Variants in SPON1 observed in about 807,000 individuals in gnomAD.
SPON1 encodes the protein spondin 1, also known as spondin-1.
In SPON1, 52 loss-of-function variants were observed where a neutral mutation model predicts 111.7. That is an observed-to-expected ratio of 0.47 (90% CI 0.37 to 0.59). The LOEUF is 0.59. Among genes scored for constraint, SPON1 ranks in the 20% least tolerant of loss-of-function variants. The pLI, the probability that SPON1 is intolerant of heterozygous loss-of-function variation, is 0.00. For missense variants in SPON1, 957 were observed against 1,068.5 expected, an observed-to-expected ratio of 0.90 and a Z score of 1.46; for synonymous variants, 410 against 395.8, an observed-to-expected ratio of 1.04 and a Z score of -0.43.
intron 6 of SPON1, among the ~76,000 whole-genome samples, chr11:14,150,270 G>T (rs542181796): frequency 3.9e-5 from 6 of 152,158 alleles, no homozygotes; most frequent in African/African-American, 1.2e-4. Flanking sequence ...AGCTGAAAAA[G>T]TTGATCTCAT....
At chr11:14,000,922 A>T (rs1461012259) in intron 2 of SPON1, among the ~76,000 whole-genome samples, 1 of 152,228 alleles carries the variant, frequency 6.6e-6, no homozygotes, top group African/African-American at 2.4e-5. Flanking sequence ...CTTGCCTGTC[A>T]AAATTGGAGT....
chr11:14,060,326 C>T (rs1554919718), intron 3 of SPON1, among the ~76,000 whole-genome samples: 1 of 152,184 alleles, frequency 6.6e-6, no homozygotes, highest in African/African-American at 2.4e-5. Context: ...TACATACTAT[C>T]TAATACCCAG....
intron 5 of SPON1, among the ~76,000 whole-genome samples, chr11:14,089,384 A>G (rs1849031970): frequency 6.6e-6 from 1 of 152,110 alleles, no homozygotes; most frequent in African/African-American, 2.4e-5. Flanking sequence ...TCTAACAGTC[A>G]GGCTCCTCTT....
In SPON1 at chr11:14,041,566, G is replaced by T. The variant is rs564301907; in HGVS notation, c.391G>T (p.Ala131Ser). 6.2e-6 allele frequency: 10 copies of T among 1,613,818 alleles called. No homozygotes were observed. Reference sequence around the variant, plus strand: ...TCAGTTTATGAGCAATTGCCCTGTTGCAGTCACTGAAAGCACTCCACGGAG... The same window carrying T: ...TCAGTTTATGAGCAATTGCCCTGTTTCAGTCACTGAAAGCACTCCACGGAG... The part of the protein sequence containing the change: ...ETQFMSNCPV[A>S]VTESTPRRRT... Residue 131 changes from alanine (A) to serine (S), a missense_variant, in exon 3 of 16, where the codon GCA (alanine) becomes TCA (serine). Around this residue, in one of 5 missense-constraint regions of SPON1, gnomAD observed 262 missense variants for 253.9 expected, o/e 1.03. Transcript: ENST00000576479.
At position 14,063,879 on chromosome 11, in the gene SPON1, C is replaced by A. The variant is rs141731434; in HGVS notation, c.480-11466C>A. On this transcript the variant is annotated intron_variant, in intron 3 of 15. Transcript: ENST00000576479. ...CATCAGCCAAACTGCCTAGCTTGGT[C>A]AAAACACAGAAGGCATAAACAGCCT... is the stretch of plus-strand genomic sequence containing the variant. 3.4e-3 allele frequency among the ~76,000 whole-genome samples: 525 copies of A among 152,298 alleles called. 2 individuals carry two copies. The highest frequency in any genetic ancestry group is 0.012 in the African/African-American group (496 of 41,578).
intron 6 of SPON1, among the ~76,000 whole-genome samples, chr11:14,140,722 T>C (rs1554928676): frequency 6.6e-6 from 1 of 152,152 alleles, no homozygotes; most frequent in Admixed American, 6.5e-5. Flanking sequence ...TTTTCTTTTT[T>C]TTCCTGTTGG....
intron 5 of SPON1, among the ~76,000 whole-genome samples, chr11:14,124,474 T>A (rs1485178285): frequency 6.6e-6 from 1 of 152,314 alleles, no homozygotes; most frequent in South Asian, 2.1e-4. Context: ...CACGCTTTAT[T>A]GTAATTGCCT....
At chr11:14,028,496 A>T (rs1289516408) in intron 2 of SPON1, among the ~76,000 whole-genome samples, 4 of 152,130 alleles carry the variant, frequency 2.6e-5, no homozygotes, top group African/African-American at 9.7e-5. Context: ...ATAAAATTTT[A>T]AAAAAGAATA....
intron 2 of SPON1, among the ~76,000 whole-genome samples, chr11:13,989,284 T>C (rs561245951): frequency 2.6e-5 from 4 of 152,332 alleles, no homozygotes; most frequent in Admixed American, 2.6e-4. Context: ...TGGGAGGGTT[T>C]ATGTGTCCAG....
intron 2 of SPON1, among the ~76,000 whole-genome samples, chr11:14,039,406 TAGTG>T (rs1848616958): frequency 6.6e-6 from 1 of 152,074 alleles, no homozygotes; most frequent in Non-Finnish European, 1.5e-5. Context: ...AGGATGTTGA[TAGTG>T]AGGGAGACTG....
chr11:14,242,598 C>T (rs1848940929), intron 6 of SPON1, among the ~76,000 whole-genome samples: 1 of 152,208 alleles, frequency 6.6e-6, no homozygotes, highest in South Asian at 2.1e-4. Context: ...AATAAAAACC[C>T]AACCAAACCT....
chr11:13,997,108 C>T (rs1228664032), intron 2 of SPON1, among the ~76,000 whole-genome samples: 2 of 152,170 alleles, frequency 1.3e-5, no homozygotes, highest in African/African-American at 4.8e-5. Context: ...TCTCTCTGTA[C>T]ATACTCACAT....
At chr11:14,186,604 G>C (rs1848288475) in intron 6 of SPON1, among the ~76,000 whole-genome samples, 1 of 152,178 alleles carries the variant, frequency 6.6e-6, no homozygotes, top group Admixed American at 6.5e-5. Context: ...TCCAATCCTG[G>C]CTGTCCCATT....
At chr11:14,064,687 G>T (rs571891017) in intron 3 of SPON1, among the ~76,000 whole-genome samples, 2 of 152,278 alleles carry the variant, frequency 1.3e-5, no homozygotes, top group East Asian at 3.9e-4. Flanking sequence ...TTAGGATGTG[G>T]TGCCATCGTT....
chr11:13,982,827 G>A lies in SPON1; in HGVS notation c.239-20G>A. 6.7e-7 allele frequency: 1 copy of A among 1,499,614 alleles called. No homozygotes were observed. The highest frequency in any genetic ancestry group is 9.1e-7 in the Non-Finnish European group (1 of 1,099,324). 92.9% of individuals were successfully genotyped at this position (1,499,614 alleles called of 1,614,324 possible). On this transcript the variant is annotated intron_variant, in intron 1 of 15. Coordinates refer to ENST00000576479, the MANE Select transcript of SPON1 (RefSeq NM_006108.4). ...TAATTGATTCTTATACTTAAAACCT[G>A]CTTTTTTCTCTCTCTGCAGTAACAC... is the stretch of plus-strand genomic sequence containing the variant.
chr11:14,046,808 A>G (rs1186877607), intron 3 of SPON1, among the ~76,000 whole-genome samples: 1 of 152,262 alleles, frequency 6.6e-6, no homozygotes, highest in Non-Finnish European at 1.5e-5. Flanking sequence ...CCCAGAATAC[A>G]TAAGATGCAT....
At chr11:13,969,719 G>A (rs989638003) in intron 1 of SPON1, among the ~76,000 whole-genome samples, 3 of 152,148 alleles carry the variant, frequency 2.0e-5, no homozygotes, top group East Asian at 3.9e-4. Flanking sequence ...GAAATTATAC[G>A]TAAGATATAA....
chr11:13,996,455 A>G (rs1242061775), intron 2 of SPON1, among the ~76,000 whole-genome samples: 1 of 152,250 alleles, frequency 6.6e-6, no homozygotes, highest in Non-Finnish European at 1.5e-5. Flanking sequence ...GCCTGCTGCC[A>G]GAAAAGATGA....
chr11:14,209,211 G>A (rs980348888), intron 6 of SPON1, among the ~76,000 whole-genome samples: 1 of 152,124 alleles, frequency 6.6e-6, no homozygotes, highest in Non-Finnish European at 1.5e-5. Flanking sequence ...AATGGAGCAA[G>A]GTTTTTTGAG....
Sources: gnomAD v4.1 joint callset for allele counts (sites outside exome capture counted in the v4.1 genomes callset) on GRCh38, gnomAD v4.1.1 for gene constraint, gnomAD v4.1.1 regional missense constraint, MANE v1.5 for transcripts, NCBI Gene and HGNC (gene_info 2026-07-23, HGNC 2026-07-21) for gene names.